Variants in EFNA5 observed in about 807,000 individuals in gnomAD.
The protein encoded by EFNA5 is ephrin A5.
A neutral mutation model predicts 22.9 loss-of-function variants in EFNA5; 5 were observed. The ratio of observed to expected loss-of-function variants is 0.22; its 90% CI spans 0.11 to 0.46. The LOEUF (loss-of-function observed/expected upper bound fraction) is 0.46. Ranked by LOEUF, EFNA5 falls within the 20% of genes least tolerant of loss-of-function variation. The pLI is 0.99. For synonymous variants in EFNA5, 113 were observed against 112.2 expected, an observed-to-expected ratio of 1.01 and a Z score of -0.04; for missense variants, 237 against 293.3, an observed-to-expected ratio of 0.81 and a Z score of 1.40.
At chr5:107,560,029 T>G (rs976611029) in intron 1 of EFNA5, among the ~76,000 whole-genome samples, 6 of 152,226 alleles carry the variant, frequency 3.9e-5, no homozygotes, top group African/African-American at 1.2e-4. Context: ...AACTTGTTAC[T>G]GTGAAACACT....
At chr5:107,545,646 T>C (rs1394741957) in intron 1 of EFNA5, among the ~76,000 whole-genome samples, 1 of 152,148 alleles carries the variant, frequency 6.6e-6, no homozygotes, top group East Asian at 1.9e-4. Context: ...GAAAGCCACT[T>C]GGAGCTCCTC....
At chr5:107,437,142 GTTAA>G (rs1749131158) in intron 1 of EFNA5, among the ~76,000 whole-genome samples, 1 of 151,948 alleles carries the variant, frequency 6.6e-6, no homozygotes, top group Admixed American at 6.5e-5. Context: ...TAATTAATCT[GTTAA>G]TTTATTAAAC....
intron 1 of EFNA5, among the ~76,000 whole-genome samples, chr5:107,581,042 G>T (rs920520189): frequency 7.2e-5 from 11 of 152,270 alleles, no homozygotes; most frequent in Admixed American, 7.2e-4. Flanking sequence ...AAATTTTTAA[G>T]ATGTGTGTGT....
chr5:107,670,772 C>A lies in EFNA5; in HGVS notation c.-159G>T. ...GGCGAGAAAGGAAAGAGGCGCCCAC[C>A]AAGCTGGGGAGGGGTAGGAGAGCGA... On this transcript the variant is annotated 5_prime_UTR_variant, in exon 1 of 5. Coordinates refer to ENST00000333274, the MANE Select transcript of EFNA5 (RefSeq NM_001962.3). 2 of 1,016,396 alleles carry A rather than the reference C, an allele frequency of 2.0e-6. No homozygotes were observed. Among genetic ancestry groups the A allele is most frequent in the Non-Finnish European group, 2.8e-6 (2 of 707,552 alleles). 63.0% of individuals were successfully genotyped at this position (1,016,396 alleles called of 1,614,324 possible). A position where few individuals can be genotyped will look rare whatever the true frequency, so the allele number is the denominator to read the frequency against.
At chr5:107,571,447 G>GA (rs1401893672) in intron 1 of EFNA5, among the ~76,000 whole-genome samples, 5 of 150,756 alleles carry the variant, frequency 3.3e-5, no homozygotes, top group Non-Finnish European at 5.9e-5. Context: ...CAAGTTCACT[G>GA]AATCCAAGTT....
intron 2 of EFNA5, among the ~76,000 whole-genome samples, chr5:107,409,500 C>G (rs17159919): frequency 1.7e-4 from 26 of 152,126 alleles, no homozygotes; most frequent in Non-Finnish European, 3.1e-4. Context: ...ACTGGCTAGT[C>G]ATTCCTTGCA....
intron 1 of EFNA5, among the ~76,000 whole-genome samples, chr5:107,517,732 T>C (rs2112440379): frequency 6.6e-6 from 1 of 152,310 alleles, no homozygotes; most frequent in East Asian, 1.9e-4. Flanking sequence ...TGATAATGTG[T>C]GAGAACAAAC....
intron 4 of EFNA5, 65 bp from the exon 5 acceptor site, chr5:107,381,441 C>T: frequency 6.5e-7 from 1 of 1,542,084 alleles, no homozygotes; most frequent in Admixed American, 1.8e-5. Context: ...CTTGCAGCAG[C>T]CTGCTGTTAA....
chr5:107,529,692 C>T (rs1298147122), intron 1 of EFNA5, among the ~76,000 whole-genome samples: 1 of 152,216 alleles, frequency 6.6e-6, no homozygotes, highest in African/African-American at 2.4e-5. Flanking sequence ...TTTAGTAACA[C>T]ACCACCTTGT....
intron 1 of EFNA5, 46 bp downstream of exon 1, chr5:107,670,443 C>T: frequency 6.6e-7 from 1 of 1,526,596 alleles, no homozygotes; most frequent in Non-Finnish European, 8.8e-7. Flanking sequence ...TTCCGCAGGG[C>T]CCCGAGGCCC....
chr5:107,534,864 T>C lies in EFNA5; in HGVS notation c.126-107355A>G, dbSNP rs151141105. Among the ~76,000 whole-genome samples the C allele has an allele frequency of 2.0e-5, 3 of 152,338 alleles. No homozygotes were observed. The East Asian group carries it at 5.8e-4, about 29-fold the overall frequency. The stretch of plus-strand genomic sequence containing the variant: ...AAAATTGATACAAAGGAAAATAGTA[T>C]ATCTTCAAAGGGAGCCTGATTCTAT... On this transcript the variant is annotated intron_variant, in intron 1 of 4. Transcript: ENST00000333274.
At chr5:107,631,293 T>A (rs1257363683) in intron 1 of EFNA5, among the ~76,000 whole-genome samples, 8 of 138,338 alleles carry the variant, frequency 5.8e-5, no homozygotes, top group Non-Finnish European at 8.0e-5. Flanking sequence ...ACACACACTC[T>A]CTGTCTCTCT....
At chr5:107,529,270 T>G (rs1325334565) in intron 1 of EFNA5, among the ~76,000 whole-genome samples, 2 of 152,162 alleles carry the variant, frequency 1.3e-5, no homozygotes, top group Non-Finnish European at 2.9e-5. Context: ...TTGAGTCCAG[T>G]GTACTCTGTT....
At chr5:107,398,466 C>T (rs147341903) in intron 2 of EFNA5, among the ~76,000 whole-genome samples, 149 of 152,196 alleles carry the variant, frequency 9.8e-4, no homozygotes, top group African/African-American at 3.6e-3. Flanking sequence ...TTGTTGTGTT[C>T]TTGGGTTCTA....
intron 1 of EFNA5, among the ~76,000 whole-genome samples, chr5:107,644,931 C>A (rs1458581056): frequency 1.3e-5 from 2 of 152,148 alleles, no homozygotes; most frequent in Non-Finnish European, 2.9e-5. Flanking sequence ...GAACTCCCAA[C>A]CTCAAGTGAT....
At chr5:107,492,705 A>T (rs1386015906) in intron 1 of EFNA5, among the ~76,000 whole-genome samples, 1 of 152,206 alleles carries the variant, frequency 6.6e-6, no homozygotes, top group Non-Finnish European at 1.5e-5. Flanking sequence ...ACTCTGAAAG[A>T]AAATCATCCT....
Position 107,412,196 on chromosome 5 carries a change from A to G in EFNA5, c.418+15021T>C, listed in dbSNP as rs1748385424. Among the ~76,000 whole-genome samples, 2 of 152,216 alleles carry G rather than the reference A, an allele frequency of 1.3e-5. 1 individual carries two copies. The highest frequency in any genetic ancestry group is 4.1e-4 in the South Asian group (2 of 4,834). ...TTGATTAACCTGTTTCTGATGGTAG[A>G]AAGAATTATTCTATCTTGTGTCTCC... On this transcript the variant is annotated intron_variant, in intron 2 of 4. Coordinates refer to ENST00000333274, the MANE Select transcript of EFNA5 (RefSeq NM_001962.3).
chr5:107,456,952 C>G (rs568966113), intron 1 of EFNA5, among the ~76,000 whole-genome samples: 3 of 152,264 alleles, frequency 2.0e-5, no homozygotes, highest in Non-Finnish European at 2.9e-5. Flanking sequence ...CTAGTGTACA[C>G]TGCTTCCCTT....
rs1487967521 is a variant in EFNA5 at position 107,634,596 on chromosome 5, C to T, written c.125+35893G>A. ...AGGAAAACAGGTACCCTCCTACCAA[C>T]GCCCTGGGGAGTTCAAAACTCAGTA... On this transcript the variant is annotated intron_variant, in intron 1 of 4. Coordinates refer to ENST00000333274, the MANE Select transcript of EFNA5 (RefSeq NM_001962.3). Among the ~76,000 whole-genome samples, 14 of 146,184 alleles carry T rather than the reference C, an allele frequency of 9.6e-5. 2 individuals are homozygous for T. Among genetic ancestry groups the T allele is most frequent in the Non-Finnish European group, 1.8e-4 (12 of 65,130 alleles).
Sources: gnomAD v4.1 joint callset for allele counts (sites outside exome capture counted in the v4.1 genomes callset) on GRCh38, gnomAD v4.1.1 for gene constraint, MANE v1.5 for transcripts, NCBI Gene and HGNC (gene_info 2026-07-23, HGNC 2026-07-21) for gene names.